WDPCP: variants seen among roughly 807,000 people sequenced by gnomAD.
WDPCP encodes the protein WD repeat-containing and planar cell polarity effector protein fritz homolog.
Under a neutral mutation model 93.1 loss-of-function variants are expected in WDPCP, and 71 were observed. The observed-to-expected ratio is 0.76, with a 90% CI of 0.63 to 0.93. WDPCP has a LOEUF of 0.93. Ranked by LOEUF, WDPCP falls within the 40% of genes least tolerant of loss-of-function variation. The probability of loss-of-function intolerance (pLI) is 0.00; values close to 1 mark genes in which losing one functional copy is unlikely to be tolerated. For missense variants in WDPCP, 844 were observed against 887.4 expected (o/e 0.95, Z 0.62); for synonymous variants, 315 against 315.0 (o/e 1.00, Z 0.00).
chr2:63,411,715 G>T (rs1484814380), intron 9 of WDPCP, among the ~76,000 whole-genome samples: 4 of 152,082 alleles, frequency 2.6e-5, no homozygotes, highest in African/African-American at 9.7e-5. Flanking sequence ...TGACACCACT[G>T]AAATACAAAA....
At chr2:63,550,704 C>CAT (rs1454646654) in intron 1 of WDPCP, among the ~76,000 whole-genome samples, 29 of 147,540 alleles carry the variant, frequency 2.0e-4, no homozygotes, top group Admixed American at 1.5e-3. Context: ...CATACATATA[C>CAT]ATATATGTGT....
At chr2:63,681,064 T>C (rs1710486796) in intron 2 of WDPCP, among the ~76,000 whole-genome samples, 1 of 152,124 alleles carries the variant, frequency 6.6e-6, no homozygotes, top group African/African-American at 2.4e-5. Flanking sequence ...GCATGGGCCT[T>C]GGGTGAGACC....
At chr2:63,606,726 T>C (rs970236166) in intron 3 of WDPCP, 3 of 472,026 alleles carry the variant, frequency 6.4e-6, no homozygotes, top group Non-Finnish European at 1.0e-5. Context: ...TATCTATTAA[T>C]TAAAATCTGG....
intron 2 of WDPCP, among the ~76,000 whole-genome samples, chr2:63,714,055 C>CT (rs747120283): frequency 0.052 from 7,033 of 135,052 alleles, 200 homozygotes; most frequent in Non-Finnish European, 0.072. Context: ...CTTTTTTATT[C>CT]TTTTTTTTTT....
At chr2:63,296,913 G>A (rs1684911039) in intron 13 of WDPCP, among the ~76,000 whole-genome samples, 1 of 152,126 alleles carries the variant, frequency 6.6e-6, no homozygotes, top group Admixed American at 6.5e-5. Flanking sequence ...AAGTACCAAT[G>A]TCATTTCACA....
intron 14 of WDPCP, among the ~76,000 whole-genome samples, chr2:63,181,439 T>C (rs1255157730): frequency 2.0e-5 from 3 of 152,260 alleles, no homozygotes; most frequent in Admixed American, 6.5e-5. Context: ...GCACCACTTA[T>C]TGTAAAGGAT....
chr2:63,568,591 C>T (rs932819337), intron 1 of WDPCP, among the ~76,000 whole-genome samples: 15 of 152,198 alleles, frequency 9.9e-5, no homozygotes, highest in Admixed American at 3.3e-4. Flanking sequence ...ACAAAGGAGA[C>T]AGGGTCATTT....
intron 3 of WDPCP, among the ~76,000 whole-genome samples, chr2:63,631,842 T>C (rs941858678): frequency 6.6e-6 from 1 of 152,240 alleles, no homozygotes; most frequent in Non-Finnish European, 1.5e-5. Flanking sequence ...ATAGCCCTGA[T>C]GACAGCCACA....
intron 3 of WDPCP, chr2:63,606,144 G>C (rs549393260): frequency 3.1e-5 from 30 of 978,860 alleles, no homozygotes; most frequent in Non-Finnish European, 4.9e-5. Context: ...CACTTTGGAA[G>C]GGCAAGGTGG....
At chr2:63,448,711 G>C (rs78560339) in intron 6 of WDPCP, among the ~76,000 whole-genome samples, 3,098 of 152,214 alleles carry the variant, frequency 0.02, 123 homozygotes, top group African/African-American at 0.071. Flanking sequence ...TCATTTGTGA[G>C]AACATGGATG....
At chr2:63,766,928 C>T (rs928419860) in intron 2 of WDPCP, among the ~76,000 whole-genome samples, 1 of 152,044 alleles carries the variant, frequency 6.6e-6, no homozygotes, top group African/African-American at 2.4e-5. Context: ...CCATGGAAAC[C>T]ACTATTCTAC....
chr2:63,254,136 A>T (rs1016692334), intron 14 of WDPCP, among the ~76,000 whole-genome samples: 7 of 152,180 alleles, frequency 4.6e-5, no homozygotes, highest in African/African-American at 1.4e-4. Context: ...AGTAATAGAA[A>T]ACCAAATACC....
chr2:63,157,000 A>T (rs1672302666), intron 15 of WDPCP, among the ~76,000 whole-genome samples: 1 of 148,306 alleles, frequency 6.7e-6, no homozygotes, highest in African/African-American at 2.5e-5. Flanking sequence ...CTTGGTAGAA[A>T]CTCTTTATAG....
intron 12 of WDPCP, among the ~76,000 whole-genome samples, chr2:63,326,654 G>A (rs1687572268): frequency 7.0e-6 from 1 of 143,044 alleles, no homozygotes; most frequent in Admixed American, 6.8e-5. Flanking sequence ...GGGAGAGGAA[G>A]TGACAGAGAG....
intron 3 of WDPCP, chr2:63,594,379 T>C (rs1709261881): frequency 1.1e-6 from 1 of 892,334 alleles, no homozygotes; most frequent in South Asian, 1.3e-5. Context: ...GACTTTAAAA[T>C]TTTACATTCA....
At chr2:63,420,954 G>A (rs1003755828) in intron 9 of WDPCP, among the ~76,000 whole-genome samples, 5 of 151,968 alleles carry the variant, frequency 3.3e-5, no homozygotes, top group African/African-American at 1.2e-4. Context: ...ATGCCTCTTT[G>A]TGCACATGGG....
Position 63,598,549 on chromosome 2 carries a change from G to A in WDPCP, n.488+52110C>T, listed in dbSNP as rs528848014. On this transcript the variant is annotated intron_variant and non_coding_transcript_variant, in intron 3 of 4. Transcript: ENST00000467687. ...ACTTTCCTATCTTTCAAAAAAAGGTGAAAGAAAATTTTTTAAGATTTTTTA... is the reference window on the plus strand; with the variant it reads ...ACTTTCCTATCTTTCAAAAAAAGGTAAAAGAAAATTTTTTAAGATTTTTTA... Among the ~76,000 whole-genome samples, 14 of 152,262 alleles carry A rather than the reference G, an allele frequency of 9.2e-5. No homozygotes were observed. The East Asian group carries it at 1.5e-3, about 17-fold the overall frequency.
chr2:63,148,881 C>T (rs1671709171), intron 17 of WDPCP, among the ~76,000 whole-genome samples: 1 of 151,808 alleles, frequency 6.6e-6, no homozygotes, highest in Admixed American at 6.6e-5. Flanking sequence ...CACACACACA[C>T]ACACACACAT....
intron 12 of WDPCP, among the ~76,000 whole-genome samples, chr2:63,372,868 A>G (rs1691513852): frequency 6.6e-6 from 1 of 152,166 alleles, no homozygotes; most frequent in Non-Finnish European, 1.5e-5. Context: ...TCACTTCTAT[A>G]ATCCCAGCAC....
Sources: gnomAD v4.1 joint callset for allele counts (sites outside exome capture counted in the v4.1 genomes callset) on GRCh38, gnomAD v4.1.1 for gene constraint, MANE v1.5 for transcripts, NCBI Gene and HGNC (gene_info 2026-07-23, HGNC 2026-07-21) for gene names.